Variants in CHN2 observed in about 807,000 individuals in gnomAD.
The protein encoded by CHN2 is beta-chimaerin.
In CHN2, 35 loss-of-function variants were observed where a neutral mutation model predicts 56.3. The observed-to-expected ratio is 0.62, with a 90% CI of 0.47 to 0.82. CHN2 has a LOEUF of 0.82. Among genes scored for constraint, CHN2 ranks in the 40% least tolerant of loss-of-function variants. CHN2 has a pLI of 0.00. For missense variants in CHN2, 491 were observed against 580.5 expected (o/e 0.85, Z 1.58); for synonymous variants, 210 against 212.8 (o/e 0.99, Z 0.12).
chr7:29,419,802 G>A (rs140179741), intron 6 of CHN2, among the ~76,000 whole-genome samples: 2,168 of 152,098 alleles, frequency 0.014, 34 homozygotes, highest in Admixed American at 0.022. Context: ...ATCTCACACC[G>A]GCCGGGTGCA....
At chr7:29,177,165 A>G (rs1392086139) in intron 2 of CHN2, among the ~76,000 whole-genome samples, 1 of 152,164 alleles carries the variant, frequency 6.6e-6, no homozygotes, top group Non-Finnish European at 1.5e-5. Flanking sequence ...TTCCTTTCTA[A>G]TCTTCAGATT....
intron 7 of CHN2, among the ~76,000 whole-genome samples, chr7:29,488,491 G>A (rs543022534): frequency 3.5e-4 from 53 of 152,184 alleles, no homozygotes; most frequent in African/African-American, 1.1e-3. Flanking sequence ...AGCTGGAAGG[G>A]ACTTTAGCTC....
chr7:29,153,967 G>A (rs1041252836), intron 2 of CHN2, among the ~76,000 whole-genome samples: 10 of 152,110 alleles, frequency 6.6e-5, no homozygotes, highest in African/African-American at 2.2e-4. Context: ...TATATTAATT[G>A]TTATGTTATA....
chr7:29,380,468 C>T (rs769267813), intron 3 of CHN2, among the ~76,000 whole-genome samples: 6 of 152,156 alleles, frequency 3.9e-5, no homozygotes, highest in African/African-American at 9.7e-5. Flanking sequence ...GAATTTCTAC[C>T]ATCTCCCAGA....
chr7:29,407,631 T>G, intron 6 of CHN2, among the ~76,000 whole-genome samples: 1 of 152,198 alleles, frequency 6.6e-6, no homozygotes, highest in Non-Finnish European at 1.5e-5. Context: ...GCTATTATAG[T>G]AGGTGACAGG....
intron 1 of CHN2, among the ~76,000 whole-genome samples, chr7:29,339,330 C>T (rs1170319332): frequency 1.3e-5 from 2 of 151,894 alleles, no homozygotes; most frequent in Admixed American, 6.6e-5. Context: ...CCCTCGGCCA[C>T]CCAGATCTCC....
chr7:29,470,405 A>G (rs561154418), intron 6 of CHN2, among the ~76,000 whole-genome samples: 1 of 152,372 alleles, frequency 6.6e-6, no homozygotes, highest in South Asian at 2.1e-4. Context: ...AGTGGCGCCA[A>G]GGACTATTTT....
chr7:29,352,968 C>A (rs1236026646), intron 1 of CHN2, among the ~76,000 whole-genome samples: 1 of 152,196 alleles, frequency 6.6e-6, no homozygotes, highest in Non-Finnish European at 1.5e-5. Context: ...TTATAAGACA[C>A]TGTTCTCTTA....
rs1024676542 is a variant in CHN2 at position 29,400,261 on chromosome 7, T to C, written c.291-282T>C. 2.2e-5 allele frequency: 10 copies of C among 455,312 alleles called. No individual in the cohort carries two copies. The East Asian group carries it at 3.9e-4, about 18-fold the overall frequency. 28.2% of individuals were successfully genotyped at this position (455,312 alleles called of 1,614,324 possible). On this transcript the variant is annotated intron_variant, in intron 5 of 12. Coordinates refer to ENST00000222792, the MANE Select transcript of CHN2 (RefSeq NM_004067.4). ...TCTAGGATCAAACGACTCCATGTGA[T>C]GTCCTGGGGTTAAGCCCCACCTCTG...
In CHN2 at chr7:29,173,239, A is replaced by G. The variant is rs181327131; in HGVS notation, c.274+26279A>G. 1.6e-4 allele frequency among the ~76,000 whole-genome samples: 25 copies of G among 152,250 alleles called. No homozygotes were observed. In the East Asian group the frequency reaches 4.1e-3, roughly 25 times the overall value. ...GGAAATCTTCTAAGGCCAGAAAGCTAAGCAGGAACCCAGAGGAAAAAAAGC... is the reference window on the plus strand; with the variant it reads ...GGAAATCTTCTAAGGCCAGAAAGCTGAGCAGGAACCCAGAGGAAAAAAAGC... On this transcript the variant is annotated intron_variant, in intron 2 of 6. Coordinates refer to the CHN2 transcript ENST00000439384.
intron 1 of CHN2, among the ~76,000 whole-genome samples, chr7:29,286,824 A>G (rs1379312094): frequency 6.6e-6 from 1 of 152,212 alleles, no homozygotes; most frequent in Non-Finnish European, 1.5e-5. Flanking sequence ...ATTTTTTCAT[A>G]TACCTTTCTC....
At chr7:29,501,715 G>A (rs776596730) in intron 9 of CHN2, among the ~76,000 whole-genome samples, 20 of 152,072 alleles carry the variant, frequency 1.3e-4, no homozygotes, top group East Asian at 1.9e-4. Flanking sequence ...AGAATGCACC[G>A]GGAGAAATTT....
intron 2 of CHN2, among the ~76,000 whole-genome samples, chr7:29,153,483 C>T (rs1793898503): frequency 6.6e-6 from 1 of 152,172 alleles, no homozygotes; most frequent in South Asian, 2.1e-4. Context: ...CCTCTTCAGC[C>T]TATTCAATGT....
intron 3 of CHN2, among the ~76,000 whole-genome samples, chr7:29,374,961 C>T (rs539888325): frequency 1.3e-5 from 2 of 151,132 alleles, no homozygotes; most frequent in South Asian, 4.2e-4. Flanking sequence ...GATCTTGGCT[C>T]ACCGCAACCT....
chr7:29,498,301 A>G (rs1017415224), intron 8 of CHN2, among the ~76,000 whole-genome samples: 2 of 152,378 alleles, frequency 1.3e-5, no homozygotes, highest in African/African-American at 4.8e-5. Flanking sequence ...ATGATCTTCT[A>G]TAGAAGAGGA....
chr7:29,279,002 C>G (rs576002851), intron 1 of CHN2, among the ~76,000 whole-genome samples: 3 of 152,156 alleles, frequency 2.0e-5, no homozygotes, highest in South Asian at 4.1e-4. Flanking sequence ...GCTGTCCCCC[C>G]CCAACCCCCA....
chr7:29,254,665 A>T (rs1393666815), intron 1 of CHN2, among the ~76,000 whole-genome samples: 4 of 152,034 alleles, frequency 2.6e-5, no homozygotes, highest in Non-Finnish European at 5.9e-5. Context: ...GTTACCGGGG[A>T]CTGGACATGA....
chr7:29,339,372 A>G (rs1204372457), intron 1 of CHN2, among the ~76,000 whole-genome samples: 5 of 152,152 alleles, frequency 3.3e-5, no homozygotes, highest in African/African-American at 1.2e-4. Context: ...AGCCCTTAGC[A>G]GTCTCTTCCA....
At chr7:29,359,116 T>G (rs1798538537) in intron 2 of CHN2, among the ~76,000 whole-genome samples, 1 of 152,166 alleles carries the variant, frequency 6.6e-6, no homozygotes, top group Non-Finnish European at 1.5e-5. Context: ...CAGTCTTAAT[T>G]GACCTGGGTT....
Sources: allele counts gnomAD v4.1 joint callset (sites outside exome capture counted in the v4.1 genomes callset), GRCh38; gene constraint gnomAD v4.1.1; transcripts MANE v1.5; gene names NCBI Gene and HGNC (gene_info 2026-07-23, HGNC 2026-07-21).